Variants in GABRG3 observed in about 807,000 individuals in gnomAD.
GABRG3 encodes the protein gamma-aminobutyric acid type A receptor subunit gamma3, also known as gamma-aminobutyric acid receptor subunit gamma-3.
In GABRG3, 25 loss-of-function variants were observed where a neutral mutation model predicts 48.8. The observed-to-expected ratio is 0.51, with a 90% CI of 0.37 to 0.72. GABRG3 has a LOEUF of 0.72. Among genes scored for constraint, GABRG3 ranks in the 30% least tolerant of loss-of-function variants. GABRG3 has a pLI of 0.00. For missense variants in GABRG3, 394 were observed against 577.9 expected, an observed-to-expected ratio of 0.68 and a Z score of 3.26; for synonymous variants, 227 against 217.6, an observed-to-expected ratio of 1.04 and a Z score of -0.38.
At chr15:27,160,246 A>G (rs1275945671) in intron 3 of GABRG3, among the ~76,000 whole-genome samples, 4 of 152,148 alleles carry the variant, frequency 2.6e-5, no homozygotes, top group Non-Finnish European at 5.9e-5. Context: ...ACATAGATCC[A>G]CTGCTTGTGG....
At chr15:27,515,939 G>A (rs1891007443) in intron 6 of GABRG3, among the ~76,000 whole-genome samples, 1 of 151,920 alleles carries the variant, frequency 6.6e-6, no homozygotes, top group Non-Finnish European at 1.5e-5. Flanking sequence ...TAAATTTTCT[G>A]TGAAGATCTC....
rs61305255 is a variant in GABRG3, at chr15:27,500,952, G to GTTTTTT, written c.713-19007_713-19002dup. ...CTGAGAAAAATAGGAAGTAACGTAT[G>GTTTTTT]TTTTTTTTTTTTTTTTTTGAGACGG... On this transcript the variant is annotated intron_variant, in intron 6 of 9. Transcript: ENST00000615808. Among the ~76,000 whole-genome samples the GTTTTTT allele has an allele frequency of 1.5e-4, 18 of 122,144 alleles. 2 individuals are homozygous for GTTTTTT. The highest frequency in any genetic ancestry group is 5.8e-4 in the African/African-American group (18 of 31,126). The allele number at this position is 122,144 out of a possible 152,430, so 80.1% of individuals were successfully genotyped here.
intron 5 of GABRG3, among the ~76,000 whole-genome samples, chr15:27,382,625 C>G (rs975113739): frequency 6.6e-6 from 1 of 152,056 alleles, no homozygotes; most frequent in African/African-American, 2.4e-5. Flanking sequence ...GGGAGGAGAA[C>G]GAGAGTACAT....
intron 3 of GABRG3, among the ~76,000 whole-genome samples, chr15:27,168,422 G>A (rs572280819): frequency 6.6e-6 from 1 of 152,268 alleles, no homozygotes; most frequent in Admixed American, 6.5e-5. Flanking sequence ...ACAACGTTCA[G>A]TTGTTTAGGT....
At chr15:27,220,607 C>G (rs1046306841) in intron 3 of GABRG3, among the ~76,000 whole-genome samples, 1 of 152,138 alleles carries the variant, frequency 6.6e-6, no homozygotes, top group African/African-American at 2.4e-5. Context: ...TGGTAGGGGC[C>G]TGGGTTTCTG....
At chr15:27,308,437 TTATA>T (rs1323639847) in intron 3 of GABRG3, among the ~76,000 whole-genome samples, 10 of 145,120 alleles carry the variant, frequency 6.9e-5, no homozygotes, top group African/African-American at 7.7e-5. Flanking sequence ...ACATACCTGT[TTATA>T]TAAACATATG....
intron 5 of GABRG3, among the ~76,000 whole-genome samples, chr15:27,357,049 A>G (rs144484747): frequency 1.3e-5 from 2 of 152,224 alleles, no homozygotes; most frequent in Non-Finnish European, 2.9e-5. Context: ...CAACAGTAGG[A>G]AGTTTAATTA....
chr15:27,224,135 C>T (rs1041912467), intron 3 of GABRG3, among the ~76,000 whole-genome samples: 1 of 152,224 alleles, frequency 6.6e-6, no homozygotes, highest in Non-Finnish European at 1.5e-5. Context: ...ACTTCCCGGG[C>T]TGCTCCCTGC....
At chr15:27,124,334 G>A (rs1897781334) in intron 3 of GABRG3, among the ~76,000 whole-genome samples, 2 of 152,184 alleles carry the variant, frequency 1.3e-5, no homozygotes, top group Non-Finnish European at 2.9e-5. Flanking sequence ...CTTCAGGGCA[G>A]CCCTGTGAGG....
At chr15:27,426,866 G>A (rs1888308942) in intron 5 of GABRG3, among the ~76,000 whole-genome samples, 1 of 152,112 alleles carries the variant, frequency 6.6e-6, no homozygotes, top group East Asian at 1.9e-4. Context: ...TTTCTCAAGG[G>A]TTCCTCTGCT....
chr15:27,433,654 C>T (rs1051978983), intron 5 of GABRG3, among the ~76,000 whole-genome samples: 7 of 152,122 alleles, frequency 4.6e-5, no homozygotes, highest in African/African-American at 1.7e-4. Flanking sequence ...CCATGTAGCC[C>T]TCCATGAGTT....
chr15:27,427,465 C>G (rs192798721), intron 5 of GABRG3, among the ~76,000 whole-genome samples: 1 of 152,292 alleles, frequency 6.6e-6, no homozygotes, highest in Non-Finnish European at 1.5e-5. Context: ...GGGGAATTAT[C>G]CTACCTTCTG....
intron 3 of GABRG3, among the ~76,000 whole-genome samples, chr15:27,181,996 ATAT>A (rs1471932216): frequency 1.3e-5 from 2 of 149,098 alleles, no homozygotes; most frequent in African/African-American, 2.4e-5. Flanking sequence ...TAATATAATA[ATAT>A]TATAATAATA....
intron 5 of GABRG3, among the ~76,000 whole-genome samples, chr15:27,361,734 T>A (rs559893113): frequency 1.3e-5 from 2 of 152,206 alleles, no homozygotes; most frequent in African/African-American, 4.8e-5. Context: ...TCTGTTCTTA[T>A]AGAAATGTCA....
At chr15:27,343,908 G>C (rs1894275263) in intron 5 of GABRG3, among the ~76,000 whole-genome samples, 1 of 152,162 alleles carries the variant, frequency 6.6e-6, no homozygotes, top group Non-Finnish European at 1.5e-5. Flanking sequence ...CAGATGGACT[G>C]CCTTCTATAC....
intron 5 of GABRG3, among the ~76,000 whole-genome samples, chr15:27,466,342 TG>T (rs1889609392): frequency 6.6e-6 from 1 of 152,218 alleles, no homozygotes; most frequent in African/African-American, 2.4e-5. Context: ...TTCCAAGCCC[TG>T]GGACATTGGT....
chr15:27,482,888 C>T (rs971351880), intron 6 of GABRG3: 3 of 152,240 alleles, frequency 2.0e-5, no homozygotes, highest in African/African-American at 7.2e-5. Context: ...TCGCCTCCCA[C>T]CATCTTCTCA....
intron 5 of GABRG3, among the ~76,000 whole-genome samples, chr15:27,398,947 G>A (rs181738110): frequency 2.6e-3 from 403 of 152,246 alleles, no homozygotes; most frequent in Non-Finnish European, 3.9e-3. Context: ...GGGCATGCCT[G>A]GACTCCTCAC....
At chr15:27,109,657 C>T (rs932223864) in intron 3 of GABRG3, among the ~76,000 whole-genome samples, 2 of 152,114 alleles carry the variant, frequency 1.3e-5, no homozygotes, top group African/African-American at 2.4e-5. Flanking sequence ...CTGAGGTGGG[C>T]GAATCACCCG....
Sources: allele counts gnomAD v4.1 joint callset (sites outside exome capture counted in the v4.1 genomes callset), GRCh38; gene constraint gnomAD v4.1.1; transcripts MANE v1.5; gene names NCBI Gene and HGNC (gene_info 2026-07-23, HGNC 2026-07-21).